The following TEX36 variants were observed in gnomAD, a reference collection of about 807,000 sequenced individuals.
TEX36 encodes the protein testis expressed 36, also known as testis-expressed protein 36.
In TEX36, 12 loss-of-function variants were observed where a neutral mutation model predicts 13.6. The observed-to-expected ratio is 0.88, with a 90% confidence interval of 0.56 to 1.43. The LOEUF (loss-of-function observed/expected upper bound fraction) is 1.43. Among genes scored for constraint, TEX36 ranks in the 40% most tolerant of loss-of-function variants. TEX36 has a pLI of 0.00. For missense variants in TEX36, 224 were observed against 228.3 expected, an observed-to-expected ratio of 0.98 and a Z score of 0.12; for synonymous variants, 93 against 83.0, an observed-to-expected ratio of 1.12 and a Z score of -0.65.
chr10:125,617,848 G>T (rs1485479618), downstream of TEX36, among the ~76,000 whole-genome samples: 1 of 152,102 alleles, frequency 6.6e-6, no homozygotes, highest in African/African-American at 2.4e-5. Flanking sequence ...TGCTAGATTG[G>T]GGAAGTTCTC....
intron 3 of TEX36, among the ~76,000 whole-genome samples, chr10:125,590,077 G>A (rs760023059): frequency 1.2e-4 from 19 of 152,152 alleles, no homozygotes; most frequent in Non-Finnish European, 2.1e-4. Flanking sequence ...CCTTGGACAA[G>A]TCTGTTAATG....
chr10:125,669,183 C>T (rs542175527), intron 1 of TEX36, among the ~76,000 whole-genome samples: 9 of 152,024 alleles, frequency 5.9e-5, no homozygotes, highest in South Asian at 4.2e-4. Flanking sequence ...CCCAGCTACT[C>T]GGGAGGCTGA....
chr10:125,635,946 T>C (rs1192875040), intron 3 of TEX36, among the ~76,000 whole-genome samples: 1 of 152,156 alleles, frequency 6.6e-6, no homozygotes, highest in Admixed American at 6.5e-5. Flanking sequence ...CAATCATGGC[T>C]CACTGCAGCC....
At chr10:125,654,429 G>T (rs1409973367), downstream of TEX36, among the ~76,000 whole-genome samples, 2 of 152,154 alleles carry the variant, frequency 1.3e-5, no homozygotes, top group Non-Finnish European at 2.9e-5. Context: ...AGGACATAAA[G>T]TAAATTCAAA....
At chr10:125,669,581 T>C (rs935276863) in intron 1 of TEX36, among the ~76,000 whole-genome samples, 1 of 152,234 alleles carries the variant, frequency 6.6e-6, no homozygotes, top group African/African-American at 2.4e-5. Context: ...TAAATTTTTA[T>C]CTTTTTAAAA....
At chr10:125,681,281 T>C (rs1158895233) in intron 1 of TEX36, among the ~76,000 whole-genome samples, 2 of 152,212 alleles carry the variant, frequency 1.3e-5, no homozygotes, top group Non-Finnish European at 2.9e-5. Flanking sequence ...GATGGCCAAC[T>C]TCTAGGTTTC....
intron 3 of TEX36, among the ~76,000 whole-genome samples, chr10:125,621,996 A>G (rs1169542463): frequency 6.6e-6 from 1 of 152,162 alleles, no homozygotes; most frequent in African/African-American, 2.4e-5. Flanking sequence ...CTCAAATGCC[A>G]ATCTCCTCTG....
At chr10:125,617,820 C>G (rs1846378065), downstream of TEX36, among the ~76,000 whole-genome samples, 1 of 152,030 alleles carries the variant, frequency 6.6e-6, no homozygotes, top group African/African-American at 2.4e-5. Flanking sequence ...TTTCCTGAAT[C>G]TGAATGTTGG....
chr10:125,640,553 A>G (rs1846675875), intron 3 of TEX36, among the ~76,000 whole-genome samples: 1 of 152,098 alleles, frequency 6.6e-6, no homozygotes. Flanking sequence ...GTGTTAAATG[A>G]GATGTTTTGG....
chr10:125,638,169 C>T (rs1846642617), intron 3 of TEX36, among the ~76,000 whole-genome samples: 2 of 151,388 alleles, frequency 1.3e-5, no homozygotes, highest in African/African-American at 2.4e-5. Flanking sequence ...CCTCCCCCAG[C>T]CCCCATCCCC....
At chr10:125,636,208 T>TA (rs1435454400) in intron 3 of TEX36, among the ~76,000 whole-genome samples, 1 of 147,408 alleles carries the variant, frequency 6.8e-6, no homozygotes, top group Non-Finnish European at 1.5e-5. Context: ...GCTGAATTTT[T>TA]TTTTTTTTTT....
At chr10:125,600,491 A>C (rs1484342417) in intron 3 of TEX36, among the ~76,000 whole-genome samples, 1 of 152,090 alleles carries the variant, frequency 6.6e-6, no homozygotes, top group Non-Finnish European at 1.5e-5. Flanking sequence ...CTTCTGGTGG[A>C]CCTTCCTTTA....
intron 3 of TEX36, among the ~76,000 whole-genome samples, chr10:125,641,512 G>T (rs1275237895): frequency 6.6e-6 from 1 of 152,236 alleles, no homozygotes; most frequent in Non-Finnish European, 1.5e-5. Context: ...TATGGGTCTA[G>T]AATGGGTACT....
chr10:125,596,261 T>G (rs1439444528), intron 3 of TEX36, among the ~76,000 whole-genome samples: 1 of 151,958 alleles, frequency 6.6e-6, no homozygotes, highest in African/African-American at 2.4e-5. Flanking sequence ...ATTATCAAGA[T>G]GGGCCCATAA....
At chr10:125,632,914 A>G (rs1846575775) in intron 3 of TEX36, among the ~76,000 whole-genome samples, 1 of 152,198 alleles carries the variant, frequency 6.6e-6, no homozygotes, top group South Asian at 2.1e-4. Flanking sequence ...ATTTGAGGTC[A>G]GGAATTCAAG....
At chr10:125,671,743 T>G (rs1847234145) in intron 1 of TEX36, among the ~76,000 whole-genome samples, 1 of 152,230 alleles carries the variant, frequency 6.6e-6, no homozygotes. Flanking sequence ...AGAATTCAGC[T>G]GTAAATCCAT....
At chr10:125,579,202 G>A (rs572428537) in intron 3 of TEX36, among the ~76,000 whole-genome samples, 1 of 152,282 alleles carries the variant, frequency 6.6e-6, no homozygotes, top group Admixed American at 6.5e-5. Context: ...CCTGAGACTG[G>A]GTACTTTATA....
chr10:125,591,892 A>G (rs1355147756), intron 3 of TEX36, among the ~76,000 whole-genome samples: 7 of 152,122 alleles, frequency 4.6e-5, no homozygotes, highest in Non-Finnish European at 1.0e-4. Context: ...TTTCCATTTC[A>G]CAAGTCTGTG....
intron 1 of TEX36, among the ~76,000 whole-genome samples, chr10:125,675,542 G>A (rs555569222): frequency 1.3e-5 from 2 of 152,342 alleles, no homozygotes; most frequent in African/African-American, 2.4e-5. Flanking sequence ...TCATGAGGGG[G>A]ATCTCCTGAT....
Sources: gnomAD v4.1 joint callset for allele counts (sites outside exome capture counted in the v4.1 genomes callset) on GRCh38, gnomAD v4.1.1 for gene constraint, MANE v1.5 for transcripts, NCBI Gene and HGNC (gene_info 2026-07-23, HGNC 2026-07-21) for gene names.